NRXN1: variants seen among roughly 807,000 people sequenced by gnomAD.
NRXN1 encodes neurexin 1, also known as neurexin-1.
Under a neutral mutation model 150.9 loss-of-function variants are expected in NRXN1, and 39 were observed. The ratio of observed to expected loss-of-function variants is 0.26; its 90% confidence interval spans 0.20 to 0.34. The LOEUF is 0.34. Among genes scored for constraint, NRXN1 ranks in the 10% least tolerant of loss-of-function variants. The pLI, the probability that NRXN1 is intolerant of heterozygous loss-of-function variation, is 1.00. For synonymous variants in NRXN1, 924 were observed against 757.0 expected, an observed-to-expected ratio of 1.22 and a Z score of -3.62; for missense variants, 1,815 against 1,949.9, an observed-to-expected ratio of 0.93 and a Z score of 1.30.
intron 21 of NRXN1, among the ~76,000 whole-genome samples, chr2:49,973,348 G>T (rs760885135): frequency 1.3e-5 from 2 of 152,024 alleles, no homozygotes; most frequent in African/African-American, 4.8e-5. Context: ...ATCTTATCAT[G>T]AAATATTTAC....
At chr2:50,353,380 T>C (rs1207762514) in intron 17 of NRXN1, among the ~76,000 whole-genome samples, 3 of 152,078 alleles carry the variant, frequency 2.0e-5, no homozygotes, top group Non-Finnish European at 4.4e-5. Flanking sequence ...TTTCAACCGA[T>C]TTCTGTTGGT....
chr2:50,729,912 G>C (rs558627487), intron 5 of NRXN1, among the ~76,000 whole-genome samples: 1 of 152,170 alleles, frequency 6.6e-6, no homozygotes, highest in Non-Finnish European at 1.5e-5. Flanking sequence ...CTTTTCGCAT[G>C]ACAGAGATGC....
chr2:50,387,142 A>T (rs1287097521), intron 17 of NRXN1, among the ~76,000 whole-genome samples: 2 of 152,130 alleles, frequency 1.3e-5, no homozygotes, highest in Non-Finnish European at 2.9e-5. Flanking sequence ...TTATCCATGA[A>T]TATACAATTT....
At chr2:50,246,810 T>C (rs1574715940) in intron 17 of NRXN1, among the ~76,000 whole-genome samples, 2 of 152,110 alleles carry the variant, frequency 1.3e-5, no homozygotes, top group South Asian at 4.1e-4. Flanking sequence ...CACTAACTTA[T>C]TTTTAATTTT....
intron 5 of NRXN1, among the ~76,000 whole-genome samples, chr2:50,755,540 A>C (rs1329511354): frequency 6.6e-6 from 1 of 151,822 alleles, no homozygotes; most frequent in Non-Finnish European, 1.5e-5. Context: ...AAGACAGGAT[A>C]GATTTTTATT....
rs532145418 is a variant in NRXN1 at position 50,031,164 on chromosome 2, G to A, written c.4128+22107C>T. ...ATTTAATATCCAATGACTTAAGAAAGTGGGATGCCAACACTCATCTTTATG... is the reference window on the plus strand; with the variant it reads ...ATTTAATATCCAATGACTTAAGAAAATGGGATGCCAACACTCATCTTTATG... On this transcript the variant is annotated intron_variant, in intron 21 of 22. Coordinates refer to ENST00000401669, the MANE Select transcript of NRXN1 (RefSeq NM_001330078.2). Among the ~76,000 whole-genome samples, 11 of 152,162 alleles carry A rather than the reference G, an allele frequency of 7.2e-5. 1 individual carries two copies. In the East Asian group the frequency reaches 2.1e-3, roughly 29 times the overall value.
At chr2:50,666,887 G>GTGTC (rs1688122604) in intron 5 of NRXN1, among the ~76,000 whole-genome samples, 2 of 151,286 alleles carry the variant, frequency 1.3e-5, no homozygotes, top group Non-Finnish European at 3.0e-5. Context: ...TGATGTGTGT[G>GTGTC]TGTGTGTGTG....
intron 2 of NRXN1, among the ~76,000 whole-genome samples, chr2:50,949,354 T>C (rs1575027030): frequency 6.6e-6 from 1 of 152,022 alleles, no homozygotes; most frequent in Non-Finnish European, 1.5e-5. Context: ...TTCATATCAA[T>C]TCTGATGTTT....
intron 17 of NRXN1, among the ~76,000 whole-genome samples, chr2:50,391,014 T>C (rs574484337): frequency 2.6e-5 from 4 of 152,156 alleles, no homozygotes; most frequent in East Asian, 1.9e-4. Flanking sequence ...TTTATTCTAA[T>C]ATGCTCTGGA....
intron 17 of NRXN1, among the ~76,000 whole-genome samples, chr2:50,344,861 A>T (rs149088566): frequency 6.6e-6 from 1 of 152,136 alleles, no homozygotes; most frequent in South Asian, 2.1e-4. Flanking sequence ...CACTGGCACA[A>T]TTAGGTGTTC....
intron 8 of NRXN1, among the ~76,000 whole-genome samples, chr2:50,591,390 A>AGATAGATAGAT (rs1674191024): frequency 9.1e-6 from 1 of 109,454 alleles, no homozygotes; most frequent in Admixed American, 8.4e-5. Flanking sequence ...TCAGATAGAT[A>AGATAGATAGAT]GATAGATAGA....
chr2:50,842,683 A>T (rs1229867437), intron 5 of NRXN1, among the ~76,000 whole-genome samples: 1 of 152,194 alleles, frequency 6.6e-6, no homozygotes, highest in Non-Finnish European at 1.5e-5. Flanking sequence ...AAACTAGAAA[A>T]AAGTGTACAT....
At chr2:50,876,340 A>G (rs1678587514) in intron 5 of NRXN1, among the ~76,000 whole-genome samples, 1 of 150,280 alleles carries the variant, frequency 6.7e-6, no homozygotes, top group Non-Finnish European at 1.5e-5. Flanking sequence ...TCCACTTAGG[A>G]AGTCACAAAA....
chr2:50,259,507 C>CT (rs943192638), intron 17 of NRXN1, among the ~76,000 whole-genome samples: 4 of 151,632 alleles, frequency 2.6e-5, no homozygotes, highest in Non-Finnish European at 4.4e-5. Context: ...ACATGGAAGA[C>CT]TTTTTTTTAG....
At chr2:50,274,558 A>G (rs1041101815) in intron 17 of NRXN1, among the ~76,000 whole-genome samples, 3 of 152,218 alleles carry the variant, frequency 2.0e-5, no homozygotes. Context: ...AACTTAGAGT[A>G]TAATTTAAAA....
chr2:50,346,674 T>C lies in NRXN1; in HGVS notation c.3365-109704A>G. 6.2e-7 allele frequency: 1 copy of C among 1,612,156 alleles called. No individual in the cohort carries two copies. Among genetic ancestry groups the C allele is most frequent in the Non-Finnish European group, 8.5e-7 (1 of 1,178,810 alleles). ...AGCGAGGGGATAACCCGCGAGAACT[T>C]GGCATCGCAGACCCACCGTGTCCGC... On this transcript the variant is annotated intron_variant, in intron 17 of 22. Coordinates refer to ENST00000401669, the MANE Select transcript of NRXN1 (RefSeq NM_001330078.2). This position sits in a 1 kb window ranked among gnomAD's most constrained non-coding sequence, Gnocchi z 5.0.
At chr2:50,358,639 C>T (rs934921653) in intron 17 of NRXN1, among the ~76,000 whole-genome samples, 7 of 152,328 alleles carry the variant, frequency 4.6e-5, no homozygotes, top group Admixed American at 1.3e-4. Context: ...GGGGAAGGAG[C>T]GGCTGTTGGC....
At chr2:50,735,304 T>C (rs1282644970) in intron 5 of NRXN1, among the ~76,000 whole-genome samples, 1 of 152,108 alleles carries the variant, frequency 6.6e-6, no homozygotes, top group Non-Finnish European at 1.5e-5. Flanking sequence ...ATTATTTTTA[T>C]AATGCACTTA....
intron 2 of NRXN1, among the ~76,000 whole-genome samples, chr2:50,949,649 A>C (rs963170587): frequency 1.3e-5 from 2 of 151,902 alleles, no homozygotes; most frequent in Non-Finnish European, 2.9e-5. Context: ...TTTCATTCCT[A>C]CTCAGGCCTT....
Sources: gnomAD v4.1 joint callset for allele counts (sites outside exome capture counted in the v4.1 genomes callset) on GRCh38, gnomAD v4.1.1 for gene constraint, Gnocchi (gnomAD v3.1) non-coding constraint, MANE v1.5 for transcripts, NCBI Gene and HGNC (gene_info 2026-07-23, HGNC 2026-07-21) for gene names.